ITGA1: variants seen among roughly 807,000 people sequenced by gnomAD.
ITGA1 encodes integrin subunit alpha 1.
In ITGA1, 85 loss-of-function variants were observed where a neutral mutation model predicts 145.9. That is an observed-to-expected ratio of 0.58 (90% CI 0.49 to 0.70). The LOEUF is 0.70. Ranked by LOEUF, ITGA1 falls within the 30% of genes least tolerant of loss-of-function variation. The probability of loss-of-function intolerance (pLI) is 0.00; values close to 1 mark genes in which losing one functional copy is unlikely to be tolerated. For missense variants in ITGA1, 1,351 were observed against 1,418.7 expected (o/e 0.95, Z 0.77); for synonymous variants, 520 against 495.3 (o/e 1.05, Z -0.66).
intron 1 of ITGA1, among the ~76,000 whole-genome samples, chr5:52,828,797 A>T (rs763526366): frequency 5.9e-5 from 9 of 152,050 alleles, no homozygotes; most frequent in Middle Eastern, 3.4e-3. Context: ...GCAGAGCCAT[A>T]CTCCTTCTGA....
In ITGA1 at chr5:52,929,614, T is replaced by TTAAA. The variant is rs763207249; in HGVS notation, c.2695-9_2695-8insAATA. On this transcript the variant is annotated splice_polypyrimidine_tract_variant and intron_variant, in intron 20 of 28. Transcript: ENST00000282588. Reference sequence around the variant, plus strand: ...CTTATCTGTTACTAAAGACATATTTTTATTTTATAGGTAACTTTCAAAATA... The same window carrying TTAAA: ...CTTATCTGTTACTAAAGACATATTTTTAAATATTTTATAGGTAACTTTCAAAATA... The TTAAA allele has an allele frequency of 7.1e-7, 1 of 1,404,448 alleles. No individual in the cohort carries two copies. The highest frequency in any genetic ancestry group is 1.0e-6 in the Non-Finnish European group (1 of 998,228). The allele number at this position is 1,404,448 out of a possible 1,614,324, so 87.0% of individuals were successfully genotyped here.
In ITGA1 at chr5:52,796,598, ATAAG is replaced by A. The variant is rs765986189; in HGVS notation, c.61+8190_61+8193del. Among the ~76,000 whole-genome samples, 10 of 152,168 alleles carry A rather than the reference ATAAG, an allele frequency of 6.6e-5. No homozygotes were observed. In the South Asian group the frequency reaches 1.7e-3, roughly 25 times the overall value. ...TAAGTGAAATACAGTCAATAACAAT[ATAAG>A]TAAGTGCCTTAAGAAATGTCTTGAA... On this transcript the variant is annotated intron_variant, in intron 1 of 28. Transcript: ENST00000282588.
chr5:52,802,700 T>G (rs2111668810), intron 1 of ITGA1: 1 of 152,334 alleles, frequency 6.6e-6, no homozygotes, highest in East Asian at 1.9e-4. Context: ...TTTATTTTTT[T>G]GCTTGTCAAA....
intron 14 of ITGA1, among the ~76,000 whole-genome samples, chr5:52,911,579 T>C (rs193153956): frequency 0.01 from 697 of 66,532 alleles, 82 homozygotes; most frequent in African/African-American, 0.034. Flanking sequence ...ATATACTATA[T>C]ATATAGTGTA....
At chr5:52,865,135 G>T in intron 5 of ITGA1, 53 bp downstream of exon 5, 1 of 1,271,640 alleles carries the variant, frequency 7.9e-7, no homozygotes, top group South Asian at 1.2e-5. Context: ...TGCAATGAAT[G>T]AGACGTATGT....
At chr5:52,893,592 T>C in intron 8 of ITGA1, 83 bp from the exon 9 acceptor site, 1 of 1,287,678 alleles carries the variant, frequency 7.8e-7, no homozygotes, top group Non-Finnish European at 1.1e-6. Context: ...CTCTACACTG[T>C]TGTTTACTGA....
chr5:52,942,697 AT>A (rs371386724), intron 26 of ITGA1, among the ~76,000 whole-genome samples: 38,963 of 137,764 alleles, frequency 0.28, 5,436 homozygotes, highest in East Asian at 0.52. Context: ...TGCCCGGCTA[AT>A]TTTTTTTTTT....
intron 2 of ITGA1, among the ~76,000 whole-genome samples, chr5:52,854,861 G>A (rs778906602): frequency 3.9e-5 from 6 of 152,052 alleles, no homozygotes; most frequent in Non-Finnish European, 8.8e-5. Context: ...CTCTCACTTT[G>A]ATGATCCTTG....
chr5:52,788,712 A>T (rs923967412), intron 1 of ITGA1, among the ~76,000 whole-genome samples: 2 of 152,176 alleles, frequency 1.3e-5, no homozygotes, highest in African/African-American at 4.8e-5. Flanking sequence ...TACAATACAC[A>T]TTGTATATTA....
rs184432296 is a variant in ITGA1 at position 52,912,967 on chromosome 5, T to C, written c.1858-2497T>C. 3.5e-3 allele frequency among the ~76,000 whole-genome samples: 539 copies of C among 152,078 alleles called. 7 individuals are homozygous for C. The highest frequency in any genetic ancestry group is 1.9e-3 in the Non-Finnish European group (127 of 67,970). The stretch of plus-strand genomic sequence containing the variant: ...TTCACCGTGTTAGCCAGGATGGTTT[T>C]GATCTCCTGACTTCGTGATCCGCCC... On this transcript the variant is annotated intron_variant, in intron 14 of 28. Coordinates refer to ENST00000282588, the MANE Select transcript of ITGA1 (RefSeq NM_181501.2).
chr5:52,940,667 TA>T (rs1274869973), intron 26 of ITGA1, among the ~76,000 whole-genome samples: 1 of 152,190 alleles, frequency 6.6e-6, no homozygotes, highest in Non-Finnish European at 1.5e-5. Context: ...TAAAACTTTT[TA>T]TTGTATTTTG....
intron 28 of ITGA1, among the ~76,000 whole-genome samples, chr5:52,950,629 T>A (rs962141657): frequency 6.6e-6 from 1 of 152,224 alleles, no homozygotes; most frequent in Non-Finnish European, 1.5e-5. Context: ...AGCTATAAAC[T>A]ATTTTCTCCT....
intron 14 of ITGA1, among the ~76,000 whole-genome samples, chr5:52,913,188 G>T (rs147782737): frequency 6.6e-6 from 1 of 152,140 alleles, no homozygotes; most frequent in East Asian, 1.9e-4. Flanking sequence ...TTTAGAATGG[G>T]ACATTTAGTG....
chr5:52,808,112 C>T (rs1312389596), intron 1 of ITGA1, among the ~76,000 whole-genome samples: 1 of 152,162 alleles, frequency 6.6e-6, no homozygotes. Context: ...GAGTATTTCA[C>T]TGGGACTTGA....
intron 6 of ITGA1, among the ~76,000 whole-genome samples, chr5:52,867,430 C>A (rs1007938665): frequency 2.6e-5 from 4 of 152,030 alleles, no homozygotes; most frequent in Admixed American, 2.6e-4. Flanking sequence ...ATGTAATTTT[C>A]CCTGGAAGTG....
intron 1 of ITGA1, among the ~76,000 whole-genome samples, chr5:52,818,912 G>A (rs1026710883): frequency 6.6e-6 from 1 of 152,120 alleles, no homozygotes; most frequent in Non-Finnish European, 1.5e-5. Flanking sequence ...ACCCTAAAAT[G>A]TCAGTGACTT....
rs965902950 is a variant in ITGA1 at position 52,817,915 on chromosome 5, G to A, written c.61+29501G>A. On this transcript the variant is annotated intron_variant, in intron 1 of 28. Coordinates refer to ENST00000282588, the MANE Select transcript of ITGA1 (RefSeq NM_181501.2). The stretch of plus-strand genomic sequence containing the variant: ...TTTTTAGCTTTTGCTGGCCACACAA[G>A]CTCTGTAGTGACTACTTGACTCTAT... Among the ~76,000 whole-genome samples the A allele has an allele frequency of 2.5e-4, 38 of 152,182 alleles. 1 individual carries two copies.
intron 3 of ITGA1, among the ~76,000 whole-genome samples, chr5:52,863,418 G>A (rs1182063141): frequency 2.1e-5 from 3 of 142,432 alleles, no homozygotes; most frequent in Non-Finnish European, 4.6e-5. Flanking sequence ...ATTCAGTACA[G>A]TAAGACTAGG....
chr5:52,945,414 T>C (rs1751121063), intron 27 of ITGA1, among the ~76,000 whole-genome samples: 1 of 152,186 alleles, frequency 6.6e-6, no homozygotes, highest in South Asian at 2.1e-4. Context: ...ACAACTTCTT[T>C]ATAAAAAGTG....
Sources: gnomAD v4.1 joint callset for allele counts (sites outside exome capture counted in the v4.1 genomes callset) on GRCh38, gnomAD v4.1.1 for gene constraint, MANE v1.5 for transcripts, NCBI Gene and HGNC (gene_info 2026-07-23, HGNC 2026-07-21) for gene names.